The following GSK3B variants were observed in gnomAD, a reference collection of about 807,000 sequenced individuals.
GSK3B encodes glycogen synthase kinase-3 beta.
In GSK3B, 15 loss-of-function variants were observed where a neutral mutation model predicts 56.4. The ratio of observed to expected loss-of-function variants is 0.27; its 90% CI spans 0.18 to 0.41. GSK3B has a LOEUF of 0.41. Ranked by LOEUF, GSK3B falls within the 10% of genes least tolerant of loss-of-function variation. The pLI is 1.00. For synonymous variants in GSK3B, 181 were observed against 188.9 expected, an observed-to-expected ratio of 0.96 and a Z score of 0.34; for missense variants, 300 against 513.4, an observed-to-expected ratio of 0.58 and a Z score of 4.02.
At position 120,002,223 on chromosome 3, in the gene GSK3B, G is replaced by A; in HGVS notation, c.105C>T (p.Ser35=). The A allele has an allele frequency of 1.3e-6, 2 of 1,558,926 alleles. No individual in the cohort carries two copies. Among genetic ancestry groups the A allele is most frequent in the Non-Finnish European group, 1.7e-6 (2 of 1,156,792 alleles). The part of the protein sequence containing the change: ...SMKVSRDKDG[S]KVTTVVATPG... ...GAGTTGCCACCACTGTTGTCACCTT[G>A]CTGCCGTCCTTGTCTCCTAAAGGAA... The change falls in exon 2 of 11, where the codon AGC becomes AGT. Residue 35 remains serine (S), a synonymous_variant. Coordinates refer to ENST00000264235, the MANE Select transcript of GSK3B (RefSeq NM_001146156.2).
intron 8 of GSK3B, among the ~76,000 whole-genome samples, chr3:119,867,314 C>T (rs1370189633): frequency 6.6e-6 from 1 of 152,184 alleles, no homozygotes; most frequent in African/African-American, 2.4e-5. Flanking sequence ...TTCTCATTAT[C>T]TTAGGACTCA....
At chr3:119,835,452 T>C (rs1415603449) in intron 10 of GSK3B, among the ~76,000 whole-genome samples, 3 of 152,192 alleles carry the variant, frequency 2.0e-5, no homozygotes, top group Non-Finnish European at 4.4e-5. Context: ...AAATTAACTA[T>C]GGTATAGCCT....
chr3:119,865,141 G>A (rs1475477873), intron 8 of GSK3B, among the ~76,000 whole-genome samples: 1 of 151,932 alleles, frequency 6.6e-6, no homozygotes, highest in East Asian at 1.9e-4. Flanking sequence ...GGAAAACTCA[G>A]AAAATTTTCG....
At chr3:120,036,366 T>C (rs2058022688) in intron 1 of GSK3B, among the ~76,000 whole-genome samples, 1 of 152,234 alleles carries the variant, frequency 6.6e-6, no homozygotes, top group Non-Finnish European at 1.5e-5. Flanking sequence ...AGAATATTTA[T>C]GTTGTTAAAC....
intron 8 of GSK3B, among the ~76,000 whole-genome samples, chr3:119,868,472 C>T (rs1189408908): frequency 3.3e-5 from 5 of 152,232 alleles, no homozygotes; most frequent in African/African-American, 9.6e-5. Flanking sequence ...CTTCAAATTT[C>T]AACCTGGAGC....
intron 9 of GSK3B, among the ~76,000 whole-genome samples, chr3:119,853,684 T>C (rs914416959): frequency 2.0e-5 from 3 of 152,224 alleles, no homozygotes; most frequent in African/African-American, 7.2e-5. Flanking sequence ...TTTGAAGCAA[T>C]TGTGAATGGG....
intron 1 of GSK3B, among the ~76,000 whole-genome samples, chr3:120,034,340 A>G (rs1440935785): frequency 6.6e-6 from 1 of 152,182 alleles, no homozygotes; most frequent in Admixed American, 6.5e-5. Context: ...TAGGAGTTTT[A>G]GCTCCTACTT....
At chr3:119,975,903 G>A (rs1281506540) in intron 2 of GSK3B, among the ~76,000 whole-genome samples, 1 of 152,126 alleles carries the variant, frequency 6.6e-6, no homozygotes, top group African/African-American at 2.4e-5. Context: ...TCACTTTTCT[G>A]TAAAACTACA....
At chr3:119,923,557 A>T in intron 3 of GSK3B, 74 bp from the exon 4 acceptor site, 1 of 624,730 alleles carries the variant, frequency 1.6e-6, no homozygotes, top group Non-Finnish European at 2.7e-6. Context: ...AAATTAGAGT[A>T]AATTCTCTAG....
chr3:119,959,069 T>C (rs979651478), intron 2 of GSK3B, among the ~76,000 whole-genome samples: 1 of 152,226 alleles, frequency 6.6e-6, no homozygotes, highest in Admixed American at 6.5e-5. Context: ...TGAAATGTTT[T>C]CTCCAATTAC....
intron 1 of GSK3B, among the ~76,000 whole-genome samples, chr3:120,046,418 G>A (rs2058103528): frequency 6.6e-6 from 1 of 152,040 alleles, no homozygotes; most frequent in Non-Finnish European, 1.5e-5. Flanking sequence ...AAATATGGGT[G>A]GGGGTAAGGG....
intron 2 of GSK3B, among the ~76,000 whole-genome samples, chr3:119,972,501 T>C: frequency 6.6e-6 from 1 of 152,210 alleles, no homozygotes. Context: ...AGTGGTGCGA[T>C]CTCGGCTCAC....
chr3:120,012,832 CCTCA>C, intron 1 of GSK3B, among the ~76,000 whole-genome samples: 1 of 152,170 alleles, frequency 6.6e-6, no homozygotes, highest in East Asian at 1.9e-4. Context: ...AACCACCATG[CCTCA>C]CTAATATTTT....
intron 1 of GSK3B, among the ~76,000 whole-genome samples, chr3:120,038,414 A>G (rs1397520145): frequency 6.6e-6 from 1 of 152,160 alleles, no homozygotes; most frequent in Non-Finnish European, 1.5e-5. Flanking sequence ...TATGATACCA[A>G]CTACGCGGGA....
intron 3 of GSK3B, among the ~76,000 whole-genome samples, chr3:119,944,845 C>G (rs2057084641): frequency 6.6e-6 from 1 of 152,126 alleles, no homozygotes; most frequent in Non-Finnish European, 1.5e-5. Flanking sequence ...AAATGCCTAC[C>G]AAATATAGGA....
intron 6 of GSK3B, among the ~76,000 whole-genome samples, chr3:119,910,347 G>C (rs2056723373): frequency 6.6e-6 from 1 of 152,026 alleles, no homozygotes; most frequent in African/African-American, 2.4e-5. Context: ...AATAAAGCAA[G>C]TCTCACCAAT....
chr3:119,908,179 G>C (rs1274115942), intron 6 of GSK3B, among the ~76,000 whole-genome samples: 1 of 152,166 alleles, frequency 6.6e-6, no homozygotes, highest in Non-Finnish European at 1.5e-5. Flanking sequence ...ACCTAGGCTT[G>C]CTAGGGTTCA....
chr3:120,029,448 G>A (rs913387589), intron 1 of GSK3B: 2 of 709,656 alleles, frequency 2.8e-6, no homozygotes, highest in African/African-American at 3.5e-5. Context: ...CCAGCACAGT[G>A]AACATTCTGG....
chr3:120,083,435 A>T (rs1164612548), intron 1 of GSK3B, among the ~76,000 whole-genome samples: 1 of 152,190 alleles, frequency 6.6e-6, no homozygotes, highest in Non-Finnish European at 1.5e-5. Flanking sequence ...GCAGGTAGAA[A>T]TCCAGAGAAT....
Sources: gnomAD v4.1 joint callset for allele counts (sites outside exome capture counted in the v4.1 genomes callset) on GRCh38, gnomAD v4.1.1 for gene constraint, MANE v1.5 for transcripts, NCBI Gene and HGNC (gene_info 2026-07-23, HGNC 2026-07-21) for gene names.